Variants in HUWE1 observed in about 807,000 individuals in gnomAD.
HUWE1 encodes the protein E3 ubiquitin-protein ligase HUWE1.
Under a neutral mutation model 299.4 loss-of-function variants are expected in HUWE1, and 18 were observed. The ratio of observed to expected loss-of-function variants is 0.06; its 90% CI spans 0.04 to 0.09. The LOEUF (loss-of-function observed/expected upper bound fraction) is 0.09. Ranked by LOEUF, HUWE1 falls within the 10% of genes least tolerant of loss-of-function variation. HUWE1 has a pLI of 1.00. For synonymous variants in HUWE1, 1,317 were observed against 1,286.1 expected (o/e 1.02, Z -0.51); for missense variants, 1,832 against 3,462.3 (o/e 0.53, Z 11.82).
In HUWE1 at chrX:53,583,859, G is replaced by A. The variant is rs1393910343; in HGVS notation, c.5219C>T (p.Thr1740Ile). ...CTGGATCAGGATCTCCCCGATTTTT[G>A]TTTCCTCCAGGCTTGTCTCCTTTTC... Reference protein sequence around the residue: ...NTEKETSLEETKIGEILIQGL... With the variant: ...NTEKETSLEEIKIGEILIQGL... Residue 1740 changes from threonine to isoleucine, a missense_variant, in exon 42 of 84, where the codon ACA becomes ATA. Thr to Ile is a moderately conservative substitution (Grantham distance 89, BLOSUM62 -1). Coordinates refer to ENST00000262854, the MANE Select transcript of HUWE1 (RefSeq NM_031407.7). The A allele has an allele frequency of 3.3e-6, 4 of 1,208,463 alleles. No individual in the cohort carries two copies. The highest frequency in any genetic ancestry group is 4.4e-5 in the Admixed American group (2 of 45,548).
chrX:53,539,565 G>A, intron 75 of HUWE1, 92 bp downstream of exon 75: 4 of 871,227 alleles, frequency 4.6e-6, no homozygotes, highest in Non-Finnish European at 6.8e-6. Flanking sequence ...CTGAGGGAGA[G>A]GAGTAACCTG....
At position 53,594,066 on chromosome X, in the gene HUWE1, C is replaced by T. The variant is rs144951388; in HGVS notation, c.3503+433G>A. ...GAGTTGAGTTTGCGCCACTGCACTC[C>T]AGCCTGGGCGACAGAGCCAGACTCC... On this transcript the variant is annotated intron_variant, in intron 31 of 83. Coordinates refer to ENST00000262854, the MANE Select transcript of HUWE1 (RefSeq NM_031407.7). 5.0e-4 allele frequency among the ~76,000 whole-genome samples: 55 copies of T among 110,885 alleles called. 1 individual carries two copies. The East Asian group carries it at 0.015, about 29-fold the overall frequency.
In HUWE1 at chrX:53,573,913, C is replaced by T. The variant is rs782428636; in HGVS notation, c.6149G>A (p.Arg2050Gln). The change falls in exon 47 of 84, where the codon CGG (arginine) becomes CAG (glutamine). Residue 2050 changes from arginine to glutamine, a missense_variant. Around this residue, in one of 15 missense-constraint regions of HUWE1, gnomAD observed 157 missense variants for 252.3 expected, o/e 0.62. Transcript: ENST00000262854. ...TTTCTGTTTGCCTTCCTCAGAGGCC[C>T]GGTCCCCTTCTTTATCTTTCTTCCC... ...RDGKKDKEGD[R>Q]ASEEGKQKGK... 7.4e-6 allele frequency: 9 copies of T among 1,209,429 alleles called. No individual in the cohort carries two copies. Among genetic ancestry groups the T allele is most frequent in the African/African-American group, 7.0e-5 (4 of 57,054 alleles).
Position 53,559,545 on chromosome X carries a change from G to C in HUWE1, c.7737-13C>G. 2 of 1,203,070 alleles carry C rather than the reference G, an allele frequency of 1.7e-6. No individual in the cohort carries two copies. The highest frequency in any genetic ancestry group is 2.2e-6 in the Non-Finnish European group (2 of 889,344). ...GGGACCAAGCAACCTGTAGGGTAAT[G>C]GTGGGTACCATGATCACTGTTAAGT... On this transcript the variant is annotated splice_polypyrimidine_tract_variant and intron_variant, in intron 56 of 83. Transcript: ENST00000262854.
intron 49 of HUWE1, 42 bp downstream of exon 49, chrX:53,568,650 G>A (rs1419858949): frequency 5.2e-6 from 6 of 1,158,819 alleles, no homozygotes; most frequent in Non-Finnish European, 7.0e-6. Flanking sequence ...GTGTAGTGAG[G>A]CTGAAGAGAA....
Position 53,630,957 on chromosome X carries a change from T to C in HUWE1, c.840A>G (p.Arg280=). ...TACCTAATATAGATATTGCATGCAG[T>C]CTGGCCTGAACTGCCTGCAATCGCT... The part of the protein sequence containing the change: ...HRKRLQAVQA[R]LHAISILVYS... Residue 280 remains arginine, a synonymous_variant, in exon 12 of 84, where the codon AGA becomes AGG. Coordinates refer to ENST00000262854, the MANE Select transcript of HUWE1 (RefSeq NM_031407.7). The C allele has an allele frequency of 8.5e-7, 1 of 1,177,818 alleles. No individual in the cohort carries two copies. The highest frequency in any genetic ancestry group is 1.2e-6 in the Non-Finnish European group (1 of 864,482).
chrX:53,580,556 A>G, intron 43 of HUWE1, among the ~76,000 whole-genome samples: 1 of 112,092 alleles, frequency 8.9e-6, no homozygotes. Context: ...CATTAACTAT[A>G]TGTAAAGCCT....
intron 7 of HUWE1, among the ~76,000 whole-genome samples, chrX:53,643,864 C>G: frequency 8.9e-6 from 1 of 111,943 alleles, no homozygotes; most frequent in Middle Eastern, 4.6e-3. Flanking sequence ...CACTCTGTTG[C>G]CCAGGCTAGA....
At chrX:53,583,940 T>A (rs1466735567) in intron 41 of HUWE1, 24 bp from the exon 42 acceptor site, 13 of 1,103,478 alleles carry the variant, frequency 1.2e-5, no homozygotes, top group Non-Finnish European at 1.6e-5. Context: ...AAATAACAGT[T>A]TTAGACAGTT....
At chrX:53,642,319 A>G (rs909298869) in intron 7 of HUWE1, among the ~76,000 whole-genome samples, 1 of 112,151 alleles carries the variant, frequency 8.9e-6, no homozygotes. Flanking sequence ...CAGAAATGGT[A>G]CTGAGCAATG....
At chrX:53,639,709 T>A (rs2067452570) in intron 7 of HUWE1, among the ~76,000 whole-genome samples, 1 of 112,260 alleles carries the variant, frequency 8.9e-6, no homozygotes, top group African/African-American at 3.2e-5. Flanking sequence ...CATGCACTTA[T>A]AAAATAATGC....
chrX:53,587,175 G>C (rs1421975418), intron 37 of HUWE1, among the ~76,000 whole-genome samples: 1 of 112,327 alleles, frequency 8.9e-6, no homozygotes, highest in Non-Finnish European at 1.9e-5. Flanking sequence ...TTAATATAAA[G>C]TACCCAGTGC....
chrX:53,584,615 C>T (rs1162304764), intron 40 of HUWE1, among the ~76,000 whole-genome samples: 1 of 111,530 alleles, frequency 9.0e-6, no homozygotes, highest in Non-Finnish European at 1.9e-5. Context: ...AAAATCATTT[C>T]TAAGAGGGAT....
At chrX:53,561,723 A>T (rs2062304269) in intron 55 of HUWE1, 33 bp downstream of exon 55, 1 of 1,208,098 alleles carries the variant, frequency 8.3e-7, no homozygotes. Context: ...AAGAATCAAG[A>T]GAGAAAAACC....
chrX:53,584,288 G>T lies in HUWE1; in HGVS notation c.5059C>A (p.Arg1687=), dbSNP rs2063758582. 1 of 1,202,713 alleles carries T rather than the reference G, an allele frequency of 8.3e-7. No individual in the cohort carries two copies. Among genetic ancestry groups the T allele is most frequent in the Non-Finnish European group, 1.1e-6 (1 of 889,497 alleles). The change falls in exon 41 of 84, where the codon CGG becomes AGG. Residue 1687 remains arginine, a synonymous_variant. Transcript: ENST00000262854. ...PVMLTLLRVP[R]LNKNSKNSNG... ...CTGTTTTTTGAATTTTTATTCAGCCGAGGTACCCTGAGGAGAGTCAGCATC... is the reference window on the plus strand; with the variant it reads ...CTGTTTTTTGAATTTTTATTCAGCCTAGGTACCCTGAGGAGAGTCAGCATC...
Position 53,533,901 on chromosome X carries a change from G to A in HUWE1, c.13022+106C>T, listed in dbSNP as rs782232362. On this transcript the variant is annotated intron_variant, in intron 83 of 83. Transcript: ENST00000262854. ...CAAATTGTGAGTTACCCAAGGTCCA[G>A]GACTCAGCCACATTTGTGTTCCCAA... 54 of 774,787 alleles carry A rather than the reference G, an allele frequency of 7.0e-5. No homozygotes were observed. In the Admixed American group the frequency reaches 9.3e-4, roughly 13 times the overall value. The allele number at this position is 774,787 out of a possible 1,213,427, so 63.9% of individuals were successfully genotyped here. A position where few individuals can be genotyped will look rare whatever the true frequency, so the allele number is the denominator to read the frequency against.
At chrX:53,679,357 T>C (rs1330124626) in intron 3 of HUWE1, among the ~76,000 whole-genome samples, 1 of 112,659 alleles carries the variant, frequency 8.9e-6, no homozygotes, top group Non-Finnish European at 1.9e-5. Flanking sequence ...TATCTGTTAA[T>C]TTTTTCAGTT....
intron 29 of HUWE1, 105 bp downstream of exon 29, chrX:53,600,013 G>T: frequency 1.3e-6 from 1 of 763,021 alleles, no homozygotes; most frequent in Non-Finnish European, 2.0e-6. Context: ...AGTCACAGAA[G>T]TTTTAAACTT....
chrX:53,614,863 C>T (rs1165358767), intron 22 of HUWE1, 118 bp from the exon 23 acceptor site: 3 of 509,859 alleles, frequency 5.9e-6, no homozygotes, highest in Admixed American at 5.4e-5. Flanking sequence ...ACTTTGTATA[C>T]ATGTTATATA....
Sources: gnomAD v4.1 joint callset for allele counts (sites outside exome capture counted in the v4.1 genomes callset) on GRCh38, gnomAD v4.1.1 for gene constraint, gnomAD v4.1.1 regional missense constraint, MANE v1.5 for transcripts, NCBI Gene and HGNC (gene_info 2026-07-23, HGNC 2026-07-21) for gene names.